AGPAT4: variants seen among roughly 807,000 people sequenced by gnomAD.
The protein encoded by AGPAT4 is 1-acylglycerol-3-phosphate O-acyltransferase 4, also known as 1-acyl-sn-glycerol-3-phosphate acyltransferase delta.
In AGPAT4, 15 loss-of-function variants were observed where a neutral mutation model predicts 48.0. The ratio of observed to expected loss-of-function variants is 0.31; its 90% confidence interval spans 0.21 to 0.48. The LOEUF is 0.48. Ranked by LOEUF, AGPAT4 falls within the 20% of genes least tolerant of loss-of-function variation. The probability of loss-of-function intolerance (pLI) is 0.99; values close to 1 mark genes in which losing one functional copy is unlikely to be tolerated. For synonymous variants in AGPAT4, 178 were observed against 198.7 expected, an observed-to-expected ratio of 0.90 and a Z score of 0.88; for missense variants, 314 against 482.5, an observed-to-expected ratio of 0.65 and a Z score of 3.27.
chr6:161,158,993 G>A lies in AGPAT4; in HGVS notation c.349-4683C>T, dbSNP rs183184149. On this transcript the variant is annotated intron_variant, in intron 3 of 8. Transcript: ENST00000320285. This position sits in a 1 kb window ranked among gnomAD's most constrained non-coding sequence, Gnocchi z 5.3. Reference sequence around the variant, plus strand: ...TTACCAGTTAGTCAAGTGAGCCAAGGTCATTTATTTCTACTAAATATATAA... The same window carrying A: ...TTACCAGTTAGTCAAGTGAGCCAAGATCATTTATTTCTACTAAATATATAA... Among the ~76,000 whole-genome samples the A allele has an allele frequency of 1.3e-5, 2 of 152,186 alleles. No individual in the cohort carries two copies. The highest frequency in any genetic ancestry group is 4.8e-5 in the African/African-American group (2 of 41,464).
rs1163516590 is a variant in AGPAT4 at position 161,262,450 on chromosome 6, G to A, written c.-90+11488C>T. Reference sequence around the variant, plus strand: ...TCCCCAAACCCCAAACTCTTCCACAGCTGGCTCTATACTAGCTCATTCCTT... The same window carrying A: ...TCCCCAAACCCCAAACTCTTCCACAACTGGCTCTATACTAGCTCATTCCTT... On this transcript the variant is annotated intron_variant, in intron 1 of 8. Transcript: ENST00000320285. This position sits in a 1 kb window ranked among gnomAD's most constrained non-coding sequence, Gnocchi z 4.9. Among the ~76,000 whole-genome samples, 1 of 152,098 alleles carries A rather than the reference G, an allele frequency of 6.6e-6. No individual in the cohort carries two copies. Among genetic ancestry groups the A allele is most frequent in the Non-Finnish European group, 1.5e-5 (1 of 68,014 alleles).
At chr6:161,190,236 T>C (rs1055462106) in intron 2 of AGPAT4, among the ~76,000 whole-genome samples, 3 of 152,158 alleles carry the variant, frequency 2.0e-5, no homozygotes, top group Non-Finnish European at 4.4e-5. Flanking sequence ...AAATAATGTA[T>C]CATTATCAAC....
chr6:161,157,069 C>T (rs960585853), intron 3 of AGPAT4, among the ~76,000 whole-genome samples: 8 of 152,220 alleles, frequency 5.3e-5, no homozygotes, highest in African/African-American at 1.9e-4. Flanking sequence ...TCCCACTTCA[C>T]ATCTCTATAT....
chr6:161,154,366 C>G lies in AGPAT4; in HGVS notation c.349-56G>C. 1 of 1,603,870 alleles carries G rather than the reference C, an allele frequency of 6.2e-7. No individual in the cohort carries two copies. The highest frequency in any genetic ancestry group is 1.1e-5 in the South Asian group (1 of 90,528). On this transcript the variant is annotated intron_variant, in intron 3 of 8. Coordinates refer to ENST00000320285, the MANE Select transcript of AGPAT4 (RefSeq NM_020133.3). This position sits in a 1 kb window ranked among gnomAD's most constrained non-coding sequence, Gnocchi z 7.8. ...TGAAGGAGACGTCAGAGCCACCTGC[C>G]GGGGCTGTTGGAGACTGAAGTAGAA...
rs1266301255 is a variant in AGPAT4, at chr6:161,259,009, G to A, written c.-90+14929C>T. The stretch of plus-strand genomic sequence containing the variant: ...GACAGGGTTTCATCATACAGGCAAG[G>A]CTGGTATCAAACTCCTGACCTCAAG... On this transcript the variant is annotated intron_variant, in intron 1 of 8. Coordinates refer to ENST00000320285, the MANE Select transcript of AGPAT4 (RefSeq NM_020133.3). The surrounding 1 kb of genome is among the most constrained non-coding windows in gnomAD (Gnocchi z 4.9). Among the ~76,000 whole-genome samples the A allele has an allele frequency of 6.6e-6, 1 of 151,756 alleles. No homozygotes were observed. The highest frequency in any genetic ancestry group is 1.5e-5 in the Non-Finnish European group (1 of 67,972).
At position 161,217,350 on chromosome 6, in the gene AGPAT4, CTGTT is replaced by C. The variant is rs571744113; in HGVS notation, c.178+14682_178+14685del. Among the ~76,000 whole-genome samples, 136 of 152,318 alleles carry C rather than the reference CTGTT, an allele frequency of 8.9e-4. No homozygotes were observed. The highest frequency in any genetic ancestry group is 3.1e-3 in the African/African-American group (129 of 41,578). On this transcript the variant is annotated intron_variant, in intron 2 of 8. Transcript: ENST00000320285. The surrounding 1 kb of genome is among the most constrained non-coding windows in gnomAD (Gnocchi z 4.9). The stretch of plus-strand genomic sequence containing the variant: ...CCAAGTTGAATGAAAGGGCATCTCA[CTGTT>C]TGAGCGTGCTTTAAAAAGCCTTATG...
Position 161,139,770 on chromosome 6 carries a change from T to G in AGPAT4, c.844-150A>C, listed in dbSNP as rs530859956. Reference sequence around the variant, plus strand: ...GTCTGCAGCTCCTTCCAGAAAGCACTTTGTAGGCAGCTGCTGTCTTCTCAA... The same window carrying G: ...GTCTGCAGCTCCTTCCAGAAAGCACGTTGTAGGCAGCTGCTGTCTTCTCAA... On this transcript the variant is annotated intron_variant, in intron 7 of 8. Transcript: ENST00000320285. The surrounding 1 kb of genome is among the most constrained non-coding windows in gnomAD (Gnocchi z 9.1). The G allele has an allele frequency of 7.7e-6, 5 of 645,168 alleles. No individual in the cohort carries two copies. Among genetic ancestry groups the G allele is most frequent in the East Asian group, 5.6e-5 (2 of 35,868 alleles). The allele number at this position is 645,168 out of a possible 1,614,324, so 40.0% of individuals were successfully genotyped here. A position where few individuals can be genotyped will look rare whatever the true frequency, so the allele number is the denominator to read the frequency against.
intron 1 of AGPAT4, among the ~76,000 whole-genome samples, chr6:161,239,044 G>C (rs1465995106): frequency 6.6e-6 from 1 of 152,156 alleles, no homozygotes; most frequent in African/African-American, 2.4e-5. Flanking sequence ...ATATGTTAAA[G>C]TGCAAGCGAG....
chr6:161,157,566 G>T (rs928951185), intron 3 of AGPAT4, among the ~76,000 whole-genome samples: 2 of 152,162 alleles, frequency 1.3e-5, no homozygotes, highest in African/African-American at 4.8e-5. Flanking sequence ...GCCTGCCTCG[G>T]CCTCCCAAAG....
Position 161,153,292 on chromosome 6 carries a change from G to A in AGPAT4, c.664+54C>T. ...GCAAGCTCTGCCCATCCGGAGCTGGGGCTTGTCTTCCTCGCTGCCACGGGG... is the reference window on the plus strand; with the variant it reads ...GCAAGCTCTGCCCATCCGGAGCTGGAGCTTGTCTTCCTCGCTGCCACGGGG... On this transcript the variant is annotated intron_variant, in intron 5 of 8. Transcript: ENST00000320285. 13 of 1,559,504 alleles carry A rather than the reference G, an allele frequency of 8.3e-6. 1 individual carries two copies. In the South Asian group the frequency reaches 1.5e-4, roughly 18 times the overall value.
In AGPAT4 at chr6:161,240,754, G is replaced by C. The variant is rs1009789397; in HGVS notation, c.-89-8452C>G. 8.5e-5 allele frequency among the ~76,000 whole-genome samples: 13 copies of C among 152,154 alleles called. No individual in the cohort carries two copies. The highest frequency in any genetic ancestry group is 2.9e-4 in the African/African-American group (12 of 41,422). ...TTGCCAGCACTCCTTCAGGTCGGAT[G>C]AATGTGGCCAAAGTCTCCACCAGGG... On this transcript the variant is annotated intron_variant, in intron 1 of 8. Coordinates refer to ENST00000320285, the MANE Select transcript of AGPAT4 (RefSeq NM_020133.3). The surrounding 1 kb of genome is among the most constrained non-coding windows in gnomAD (Gnocchi z 5.5).
chr6:161,229,348 C>T lies in AGPAT4; in HGVS notation c.178+2688G>A, dbSNP rs1782063691. ...AAGCCATGAACAGTTTCTATCTTAA[C>T]TCAGAGGGAAGCAGAGGAGAGTTAC... On this transcript the variant is annotated intron_variant, in intron 2 of 8. Transcript: ENST00000320285. This position sits in a 1 kb window ranked among gnomAD's most constrained non-coding sequence, Gnocchi z 6.0. Among the ~76,000 whole-genome samples the T allele has an allele frequency of 6.6e-6, 1 of 152,176 alleles. No homozygotes were observed. Among genetic ancestry groups the T allele is most frequent in the Admixed American group, 6.5e-5 (1 of 15,280 alleles).
Position 161,216,492 on chromosome 6 carries a change from C to T in AGPAT4, c.178+15544G>A, listed in dbSNP as rs567760797. 3.9e-5 allele frequency among the ~76,000 whole-genome samples: 6 copies of T among 152,300 alleles called. No homozygotes were observed. The highest frequency in any genetic ancestry group is 8.8e-5 in the Non-Finnish European group (6 of 68,022). ...CTTTCCCAACTTCCTCCCTGGGCTC[C>T]ACTGTGGAAACCAAAATGCTGGGGC... On this transcript the variant is annotated intron_variant, in intron 2 of 8. Coordinates refer to ENST00000320285, the MANE Select transcript of AGPAT4 (RefSeq NM_020133.3). This position sits in a 1 kb window ranked among gnomAD's most constrained non-coding sequence, Gnocchi z 4.8.
At position 161,267,392 on chromosome 6, in the gene AGPAT4, C is replaced by A. The variant is rs1015597503; in HGVS notation, c.-90+6546G>T. Reference sequence around the variant, plus strand: ...GATGAAAGGCATGCAGAGGTCTACACGGTAGAGATTTGTTCATTATTTGAA... The same window carrying A: ...GATGAAAGGCATGCAGAGGTCTACAAGGTAGAGATTTGTTCATTATTTGAA... On this transcript the variant is annotated intron_variant, in intron 1 of 8. Transcript: ENST00000320285. The surrounding 1 kb of genome is among the most constrained non-coding windows in gnomAD (Gnocchi z 5.2). 6.6e-6 allele frequency among the ~76,000 whole-genome samples: 1 copy of A among 152,098 alleles called. No homozygotes were observed. The highest frequency in any genetic ancestry group is 2.4e-5 in the African/African-American group (1 of 41,406).
At position 161,272,631 on chromosome 6, in the gene AGPAT4, T is replaced by G. The variant is rs950757256; in HGVS notation, c.-90+1307A>C. Among the ~76,000 whole-genome samples the G allele has an allele frequency of 6.6e-6, 1 of 152,102 alleles. No individual in the cohort carries two copies. Among genetic ancestry groups the G allele is most frequent in the Non-Finnish European group, 1.5e-5 (1 of 68,036 alleles). On this transcript the variant is annotated intron_variant, in intron 1 of 8. Transcript: ENST00000320285. The surrounding 1 kb of genome is among the most constrained non-coding windows in gnomAD (Gnocchi z 4.2). The stretch of plus-strand genomic sequence containing the variant: ...ACAGTTTTTCTCCCCATAGAGAATA[T>G]TCAGAAGATGGAATCCTTTTAACGT...
intron 1 of AGPAT4, among the ~76,000 whole-genome samples, chr6:161,237,160 A>G (rs546131317): frequency 2.6e-5 from 4 of 152,342 alleles, no homozygotes; most frequent in African/African-American, 9.6e-5. Context: ...TAAAACATAG[A>G]CAAAAAGCAG....
rs1468978883 is a variant in AGPAT4, at chr6:161,262,559, T to G, written c.-90+11379A>C. 6.6e-6 allele frequency among the ~76,000 whole-genome samples: 1 copy of G among 152,112 alleles called. No individual in the cohort carries two copies. The highest frequency in any genetic ancestry group is 1.5e-5 in the Non-Finnish European group (1 of 68,014). ...CTGGGCAAAGTCCCCAGCCTAGAGT[T>G]CCTCCTTCCACATCTTATTGTAAAA... is the stretch of plus-strand genomic sequence containing the variant. On this transcript the variant is annotated intron_variant, in intron 1 of 8. Transcript: ENST00000320285. The surrounding 1 kb of genome is among the most constrained non-coding windows in gnomAD (Gnocchi z 4.9).
rs1409341253 is a variant in AGPAT4, at chr6:161,233,496, G to A, written c.-89-1194C>T. 6.6e-6 allele frequency among the ~76,000 whole-genome samples: 1 copy of A among 152,084 alleles called. No homozygotes were observed. The highest frequency in any genetic ancestry group is 1.5e-5 in the Non-Finnish European group (1 of 68,030). On this transcript the variant is annotated intron_variant, in intron 1 of 8. Transcript: ENST00000320285. This position sits in a 1 kb window ranked among gnomAD's most constrained non-coding sequence, Gnocchi z 5.4. ...AACAATCTGTATACAGATGGTCCTC[G>A]ACTTATGATTCCACTGAAAATTTCC...
rs941824514 is a variant in AGPAT4 at position 161,259,175 on chromosome 6, C to A, written c.-90+14763G>T. 9.2e-5 allele frequency among the ~76,000 whole-genome samples: 14 copies of A among 152,186 alleles called. No individual in the cohort carries two copies. Among genetic ancestry groups the A allele is most frequent in the Admixed American group, 9.2e-4 (14 of 15,288 alleles). ...CATAATGTTATGATATACGTTTACA[C>A]CGTGAAATGATTAAATGAAGCTCGC... On this transcript the variant is annotated intron_variant, in intron 1 of 8. Coordinates refer to ENST00000320285, the MANE Select transcript of AGPAT4 (RefSeq NM_020133.3). This position sits in a 1 kb window ranked among gnomAD's most constrained non-coding sequence, Gnocchi z 4.9.
Sources: gnomAD v4.1 joint callset for allele counts (sites outside exome capture counted in the v4.1 genomes callset) on GRCh38, gnomAD v4.1.1 for gene constraint, Gnocchi (gnomAD v3.1) non-coding constraint, MANE v1.5 for transcripts, NCBI Gene and HGNC (gene_info 2026-07-23, HGNC 2026-07-21) for gene names.